Variants in LPAR1 observed in about 807,000 individuals in gnomAD.
LPAR1 encodes LPA receptor 1.
A neutral mutation model predicts 23.8 loss-of-function variants in LPAR1; 5 were observed. The ratio of observed to expected loss-of-function variants is 0.21; its 90% CI spans 0.11 to 0.44. The LOEUF is 0.44. LPAR1 is among the 20% of genes least tolerant of loss of function. LPAR1 has a pLI of 0.99. For missense variants in LPAR1, 311 were observed against 482.8 expected (o/e 0.64, Z 3.33); for synonymous variants, 160 against 164.7 (o/e 0.97, Z 0.22).
intron 2 of LPAR1, among the ~76,000 whole-genome samples, chr9:111,023,840 G>C (rs1031788845): frequency 3.3e-5 from 5 of 152,132 alleles, no homozygotes; most frequent in Non-Finnish European, 7.4e-5. Flanking sequence ...ACTATGTGTA[G>C]TAAACTATAT....
chr9:110,936,613 T>C (rs547182205), intron 5 of LPAR1, among the ~76,000 whole-genome samples: 1 of 152,342 alleles, frequency 6.6e-6, no homozygotes, highest in African/African-American at 2.4e-5. Flanking sequence ...CTGACCCTAG[T>C]ACAGAGAATG....
At chr9:110,902,804 C>T (rs1027026057) in intron 5 of LPAR1, among the ~76,000 whole-genome samples, 3 of 152,160 alleles carry the variant, frequency 2.0e-5, no homozygotes, top group African/African-American at 7.2e-5. Flanking sequence ...AGCACTAGTG[C>T]CTGTCTCCAG....
chr9:110,932,701 A>G (rs944997668), intron 5 of LPAR1, among the ~76,000 whole-genome samples: 1 of 152,252 alleles, frequency 6.6e-6, no homozygotes, highest in African/African-American at 2.4e-5. Flanking sequence ...TTAGATTCTC[A>G]TAGGAGTGTG....
chr9:110,947,438 G>T (rs1741308331), intron 4 of LPAR1, among the ~76,000 whole-genome samples: 1 of 152,164 alleles, frequency 6.6e-6, no homozygotes. Context: ...GGATGATAGG[G>T]TTCGAGGGAA....
chr9:111,036,951 T>A (rs2097907428), intron 1 of LPAR1, among the ~76,000 whole-genome samples: 1 of 152,240 alleles, frequency 6.6e-6, no homozygotes, highest in African/African-American at 2.4e-5. Context: ...TAATGATGTT[T>A]AGTTTGGTTC....
At chr9:110,926,828 GGAAAAGGT>G (rs1416273625) in intron 5 of LPAR1, among the ~76,000 whole-genome samples, 1 of 152,150 alleles carries the variant, frequency 6.6e-6, no homozygotes, top group Admixed American at 6.5e-5. Context: ...CCATTTCAGT[GGAAAAGGT>G]GAAAAGGGTT....
chr9:110,888,157 T>TA (rs1370537020), intron 5 of LPAR1, among the ~76,000 whole-genome samples: 1 of 152,202 alleles, frequency 6.6e-6, no homozygotes, highest in Non-Finnish European at 1.5e-5. Context: ...ACATCTTATT[T>TA]AAAAATATAA....
intron 2 of LPAR1, among the ~76,000 whole-genome samples, chr9:111,012,466 C>CGT (rs2097350716): frequency 8.8e-6 from 1 of 113,134 alleles, no homozygotes; most frequent in African/African-American, 3.4e-5. Flanking sequence ...TGTACGCACG[C>CGT]GCGCACACAC....
intron 5 of LPAR1, among the ~76,000 whole-genome samples, chr9:110,904,799 T>C (rs1272542187): frequency 1.3e-5 from 2 of 152,134 alleles, no homozygotes; most frequent in Non-Finnish European, 2.9e-5. Context: ...TTATTACAGG[T>C]TTTAATTCTT....
At chr9:110,957,350 AAATAAT>A (rs1554710947) in intron 4 of LPAR1, among the ~76,000 whole-genome samples, 9 of 147,790 alleles carry the variant, frequency 6.1e-5, no homozygotes, top group Non-Finnish European at 5.9e-5. Context: ...AAAAAAAAAA[AAATAAT>A]AATAATAATA....
intron 5 of LPAR1, among the ~76,000 whole-genome samples, chr9:110,934,855 GAGAGA>G (rs1391334906): frequency 1.3e-5 from 2 of 151,902 alleles, no homozygotes; most frequent in South Asian, 2.1e-4. Context: ...GAGAGTGAGA[GAGAGA>G]GGAGAGGAGA....
At chr9:110,891,317 C>T (rs2084095872) in intron 5 of LPAR1, among the ~76,000 whole-genome samples, 1 of 152,054 alleles carries the variant, frequency 6.6e-6, no homozygotes, top group Non-Finnish European at 1.5e-5. Context: ...CATTACATAA[C>T]TTTTAAGAAA....
rs1264793229 is a variant in LPAR1 at position 110,873,852 on chromosome 9, A to C, written c.*1569T>G. 1.4e-5 allele frequency: 2 copies of C among 146,608 alleles called. No homozygotes were observed. Among genetic ancestry groups the C allele is most frequent in the Non-Finnish European group, 2.9e-5 (2 of 67,984 alleles). 9.1% of individuals were successfully genotyped at this position (146,608 alleles called of 1,614,324 possible). Reference sequence around the variant, plus strand: ...TCCATTTTACATTGCAGGTGTGGCTACCAAGAGCTGGATAACGAGTCCCTC... The same window carrying C: ...TCCATTTTACATTGCAGGTGTGGCTCCCAAGAGCTGGATAACGAGTCCCTC... On this transcript the variant is annotated 3_prime_UTR_variant, in exon 6 of 6. Transcript: ENST00000683809.
intron 5 of LPAR1, among the ~76,000 whole-genome samples, chr9:110,917,748 C>T (rs527396513): frequency 1.7e-4 from 26 of 152,278 alleles, no homozygotes; most frequent in African/African-American, 6.3e-4. Flanking sequence ...AAATCATGAA[C>T]GTTATTGTGT....
intron 4 of LPAR1, among the ~76,000 whole-genome samples, chr9:110,949,830 A>G (rs1473968339): frequency 6.6e-6 from 1 of 152,214 alleles, no homozygotes; most frequent in Non-Finnish European, 1.5e-5. Flanking sequence ...GGTTGTATGT[A>G]TATCAATTTC....
chr9:110,930,124 C>T (rs912893743), intron 5 of LPAR1, among the ~76,000 whole-genome samples: 1 of 152,194 alleles, frequency 6.6e-6, no homozygotes. Flanking sequence ...GTATAGGTGT[C>T]GACTTTTCCT....
At chr9:110,993,627 A>G (rs56291444) in intron 2 of LPAR1, among the ~76,000 whole-genome samples, 13,035 of 152,192 alleles carry the variant, frequency 0.086, 681 homozygotes, top group African/African-American at 0.15. Context: ...AGAAATAGAA[A>G]TAAAAACAGT....
intron 4 of LPAR1, among the ~76,000 whole-genome samples, chr9:110,942,909 T>G (rs1431031693): frequency 6.6e-6 from 1 of 152,044 alleles, no homozygotes; most frequent in Admixed American, 6.6e-5. Context: ...AAAATATACT[T>G]AGATTAGATG....
intron 2 of LPAR1, among the ~76,000 whole-genome samples, chr9:110,990,543 T>C (rs553764250): frequency 8.5e-5 from 13 of 152,204 alleles, no homozygotes; most frequent in African/African-American, 2.6e-4. Flanking sequence ...TTGAATATTT[T>C]GAACTAAATG....
Sources: allele counts gnomAD v4.1 joint callset (sites outside exome capture counted in the v4.1 genomes callset), GRCh38; gene constraint gnomAD v4.1.1; transcripts MANE v1.5; gene names NCBI Gene and HGNC (gene_info 2026-07-23, HGNC 2026-07-21).